SEC24D: variants seen among roughly 807,000 people sequenced by gnomAD.
The protein encoded by SEC24D is protein transport protein Sec24D.
In SEC24D, 69 loss-of-function variants were observed where a neutral mutation model predicts 116.9. That is an observed-to-expected ratio of 0.59 (90% CI 0.49 to 0.72). SEC24D has a LOEUF of 0.72. Ranked by LOEUF, SEC24D falls within the 30% of genes least tolerant of loss-of-function variation. The pLI, the probability that SEC24D is intolerant of heterozygous loss-of-function variation, is 0.00. For missense variants in SEC24D, 1,131 were observed against 1,264.1 expected, an observed-to-expected ratio of 0.89 and a Z score of 1.60; for synonymous variants, 405 against 442.8, an observed-to-expected ratio of 0.91 and a Z score of 1.07.
chr4:118,728,170 C>A (rs1725501841), intron 22 of SEC24D, among the ~76,000 whole-genome samples: 2 of 152,170 alleles, frequency 1.3e-5, no homozygotes, highest in African/African-American at 4.8e-5. Flanking sequence ...AATAACAAAA[C>A]TTTTCAGAGA....
In SEC24D at chr4:118,723,661, A is replaced by G. The variant is rs770302109; in HGVS notation, c.2959-6T>C. On this transcript the variant is annotated splice_polypyrimidine_tract_variant and splice_region_variant and intron_variant, in intron 22 of 22. Coordinates refer to ENST00000280551, the MANE Select transcript of SEC24D (RefSeq NM_014822.4). ...CGCTGCTTTACAATTGTGAGCTAGG[A>G]AAAAAAAAACAAAACAGTAACAGCC... is the stretch of plus-strand genomic sequence containing the variant. 3.3e-6 allele frequency: 5 copies of G among 1,529,262 alleles called. No homozygotes were observed. The highest frequency in any genetic ancestry group is 2.3e-5 in the East Asian group (1 of 43,628). 94.7% of individuals were successfully genotyped at this position (1,529,262 alleles called of 1,614,324 possible).
At chr4:118,792,426 C>G (rs1389123102) in intron 8 of SEC24D, among the ~76,000 whole-genome samples, 3 of 152,146 alleles carry the variant, frequency 2.0e-5, no homozygotes, top group Non-Finnish European at 2.9e-5. Flanking sequence ...GCCTAAATGA[C>G]GATGGCGATT....
chr4:118,769,726 C>G (rs1205209123), intron 8 of SEC24D: 1 of 152,036 alleles, frequency 6.6e-6, no homozygotes, highest in African/African-American at 2.4e-5. Flanking sequence ...TTAATCATTC[C>G]CCTCTATTTC....
intron 7 of SEC24D, among the ~76,000 whole-genome samples, chr4:118,803,739 C>T (rs945490282): frequency 3.3e-5 from 5 of 152,118 alleles, no homozygotes; most frequent in African/African-American, 1.2e-4. Flanking sequence ...CTACTAGCTA[C>T]ATTTCTTAGG....
chr4:118,738,299 A>T lies in SEC24D; in HGVS notation c.2458T>A (p.Tyr820Asn). Residue 820 changes from tyrosine to asparagine, a missense_variant, in exon 19 of 23, where the codon TAC becomes AAC. Physicochemically the swap from Tyr to Asn is moderately radical, Grantham distance 143. Transcript: ENST00000280551. ...GAAGGACTTGCACAATTCTTCCGGT[A>T]ACATGCCAACATATGGGCAGTCTGA... ...VNQTAHMLAC[Y>N]RKNCASPSAA... The T allele has an allele frequency of 3.7e-6, 6 of 1,613,680 alleles. No homozygotes were observed. The highest frequency in any genetic ancestry group is 5.1e-6 in the Non-Finnish European group (6 of 1,179,606).
chr4:118,728,430 T>A, intron 22 of SEC24D, 131 bp downstream of exon 22: 1 of 612,104 alleles, frequency 1.6e-6, no homozygotes, highest in Non-Finnish European at 2.8e-6. Context: ...TTTTAACTTT[T>A]ATTTTAGATT....
chr4:118,827,714 T>A (rs1578481494), intron 2 of SEC24D, among the ~76,000 whole-genome samples: 1 of 152,198 alleles, frequency 6.6e-6, no homozygotes, highest in Non-Finnish European at 1.5e-5. Context: ...TCTGGTGGAA[T>A]GGTCCTGCAT....
At chr4:118,747,856 C>T (rs1726617644) in intron 13 of SEC24D, among the ~76,000 whole-genome samples, 1 of 152,168 alleles carries the variant, frequency 6.6e-6, no homozygotes. Context: ...CTCTAATTCT[C>T]AATTATCCCA....
rs17257945 is a variant in SEC24D at position 118,745,310 on chromosome 4, T to A, written c.1708-250A>T. Among the ~76,000 whole-genome samples the A allele has an allele frequency of 0.04, 6,101 of 152,232 alleles. 184 individuals carry two copies. Among genetic ancestry groups the A allele is most frequent in the Non-Finnish European group, 0.063 (4,270 of 67,998 alleles). On this transcript the variant is annotated intron_variant, in intron 13 of 22. Coordinates refer to ENST00000280551, the MANE Select transcript of SEC24D (RefSeq NM_014822.4). ...ATGAAAGAGAGCCAACATTTAAAGA[T>A]AGGTCTGTGTATCATAACACTTTAA...
At chr4:118,815,258 A>G (rs896501285) in intron 5 of SEC24D, 103 bp from the exon 6 acceptor site, 22 of 1,455,730 alleles carry the variant, frequency 1.5e-5, no homozygotes, top group Non-Finnish European at 1.6e-5. Flanking sequence ...TGTATTTTTC[A>G]TCTTATTAAA....
intron 7 of SEC24D, among the ~76,000 whole-genome samples, chr4:118,802,034 T>C (rs984494159): frequency 1.3e-5 from 2 of 152,228 alleles, no homozygotes; most frequent in African/African-American, 4.8e-5. Flanking sequence ...GTAAAGTCTC[T>C]GGCTTCACAA....
At chr4:118,752,244 C>G (rs963780571) in intron 12 of SEC24D, among the ~76,000 whole-genome samples, 155 bp from the exon 13 acceptor site, 11 of 152,310 alleles carry the variant, frequency 7.2e-5, no homozygotes, top group Admixed American at 1.3e-4. Flanking sequence ...GATATCTTAG[C>G]GTGGCTTGGC....
intron 7 of SEC24D, among the ~76,000 whole-genome samples, chr4:118,798,697 C>T (rs1429881765): frequency 6.6e-6 from 1 of 152,168 alleles, no homozygotes; most frequent in Admixed American, 6.5e-5. Context: ...GTGAAAAAAG[C>T]ATATCTAGTG....
At chr4:118,820,309 T>C (rs904643115) in intron 3 of SEC24D, among the ~76,000 whole-genome samples, 2 of 151,556 alleles carry the variant, frequency 1.3e-5, no homozygotes, top group African/African-American at 4.9e-5. Flanking sequence ...GCCTTCCGAG[T>C]AGCTGGGATT....
At chr4:118,747,412 G>A (rs376820839) in intron 13 of SEC24D, among the ~76,000 whole-genome samples, 2 of 151,606 alleles carry the variant, frequency 1.3e-5, no homozygotes, top group East Asian at 1.9e-4. Context: ...GATTACAGAC[G>A]TGCGCCACCA....
intron 20 of SEC24D, 25 bp from the exon 21 acceptor site, chr4:118,731,532 T>C (rs2110430556): frequency 3.7e-6 from 6 of 1,601,274 alleles, no homozygotes; most frequent in East Asian, 2.2e-5. Context: ...ACAAAAGAGT[T>C]AGAAACTCCT....
intron 11 of SEC24D, chr4:118,754,038 T>G (rs1726962254): frequency 6.6e-6 from 1 of 152,128 alleles, no homozygotes; most frequent in African/African-American, 2.4e-5. Flanking sequence ...CTTACCAATT[T>G]CTTTGATATG....
chr4:118,796,424 T>C (rs975370925), intron 8 of SEC24D, among the ~76,000 whole-genome samples: 1 of 152,196 alleles, frequency 6.6e-6, no homozygotes, highest in African/African-American at 2.4e-5. Flanking sequence ...ATGTACATCT[T>C]GATTTGCAAA....
At position 118,757,809 on chromosome 4, in the gene SEC24D, T is replaced by C. The variant is rs1453451412; in HGVS notation, c.1333A>G (p.Met445Val). The C allele has an allele frequency of 6.2e-7, 1 of 1,612,228 alleles. No individual in the cohort carries two copies. Among genetic ancestry groups the C allele is most frequent in the Non-Finnish European group, 8.5e-7 (1 of 1,178,998 alleles). ...ATGTTACTATATGAAACATCAATCA[T>C]GAAGATAAAGGCTGGTGGGTTGGGA... is the stretch of plus-strand genomic sequence containing the variant. ...KPPNPPAFIF[M>V]IDVSYSNIKN... The change falls in exon 11 of 23, where the codon ATG becomes GTG. Residue 445 changes from methionine (M) to valine (V), a missense_variant. Coordinates refer to ENST00000280551, the MANE Select transcript of SEC24D (RefSeq NM_014822.4).
Sources: allele counts gnomAD v4.1 joint callset (sites outside exome capture counted in the v4.1 genomes callset), GRCh38; gene constraint gnomAD v4.1.1; transcripts MANE v1.5; gene names NCBI Gene and HGNC (gene_info 2026-07-23, HGNC 2026-07-21).